SOX5: variants seen among roughly 807,000 people sequenced by gnomAD.
SOX5 encodes the protein SRY-box transcription factor 5.
In SOX5, 9 loss-of-function variants were observed where a neutral mutation model predicts 92.0. That is an observed-to-expected ratio of 0.10 (90% CI 0.06 to 0.17). The LOEUF is 0.17. Ranked by LOEUF, SOX5 falls within the 10% of genes least tolerant of loss-of-function variation. SOX5 has a pLI of 1.00. For missense variants in SOX5, 642 were observed against 944.5 expected, an observed-to-expected ratio of 0.68 and a Z score of 4.20; for synonymous variants, 344 against 336.3, an observed-to-expected ratio of 1.02 and a Z score of -0.25.
Position 24,218,895 on chromosome 12 carries a change from C to T in SOX5, c.-76-5478G>A, listed in dbSNP as rs147460740. ...TAGTCTTCAGAGATTAGTCTTTCAA[C>T]AGTACTCAAGTATTGTAATACAATC... On this transcript the variant is annotated intron_variant, in intron 3 of 4. Coordinates refer to the SOX5 transcript ENST00000446891. 6.4e-3 allele frequency among the ~76,000 whole-genome samples: 980 copies of T among 152,164 alleles called. 11 individuals are homozygous for T. The highest frequency in any genetic ancestry group is 0.022 in the African/African-American group (922 of 41,536).
intron 1 of SOX5, among the ~76,000 whole-genome samples, chr12:24,435,214 C>G (rs1939173545): frequency 6.6e-6 from 1 of 152,198 alleles, no homozygotes; most frequent in Non-Finnish European, 1.5e-5. Context: ...CCTAGAATGG[C>G]TTCCACAGGA....
chr12:23,876,111 A>G (rs1348496809), intron 2 of SOX5, among the ~76,000 whole-genome samples: 1 of 152,170 alleles, frequency 6.6e-6, no homozygotes, highest in African/African-American at 2.4e-5. Flanking sequence ...GGCATTCCCT[A>G]AACTAACTCT....
chr12:24,266,040 G>A (rs1239369721), intron 3 of SOX5, among the ~76,000 whole-genome samples: 2 of 36,792 alleles, frequency 5.4e-5, no homozygotes, highest in African/African-American at 1.4e-4. Context: ...GCTAATGTGT[G>A]TGTGTGTGTG....
chr12:23,812,157 A>C (rs760318088), intron 3 of SOX5, among the ~76,000 whole-genome samples: 35 of 152,258 alleles, frequency 2.3e-4, no homozygotes, highest in Admixed American at 1.3e-3. Flanking sequence ...AAAGCCAATA[A>C]ATTAATCACT....
At chr12:23,541,993 C>T (rs918370101) in intron 13 of SOX5, among the ~76,000 whole-genome samples, 3 of 152,096 alleles carry the variant, frequency 2.0e-5, no homozygotes, top group East Asian at 1.9e-4. Flanking sequence ...GCCTGTCATC[C>T]GAGCTACTCA....
intron 3 of SOX5, among the ~76,000 whole-genome samples, chr12:24,270,969 G>A (rs751663227): frequency 2.0e-5 from 3 of 152,172 alleles, no homozygotes; most frequent in Non-Finnish European, 4.4e-5. Context: ...TATTTCTCAT[G>A]TAAACCATCT....
At chr12:24,396,434 T>C (rs1007480951) in intron 1 of SOX5, among the ~76,000 whole-genome samples, 2 of 152,242 alleles carry the variant, frequency 1.3e-5, no homozygotes, top group Non-Finnish European at 2.9e-5. Context: ...AAGGAGGCAA[T>C]TGGAGCAGGC....
At chr12:24,301,444 CAT>C (rs1332072361) in intron 2 of SOX5, among the ~76,000 whole-genome samples, 2 of 152,096 alleles carry the variant, frequency 1.3e-5, no homozygotes, top group African/African-American at 2.4e-5. Context: ...GAATGTATCT[CAT>C]AATATCTTAT....
At chr12:24,492,269 T>C (rs528419453) in intron 1 of SOX5, among the ~76,000 whole-genome samples, 18 of 152,234 alleles carry the variant, frequency 1.2e-4, no homozygotes, top group Admixed American at 7.2e-4. Context: ...TAACTAAAAG[T>C]CAGGGAATAA....
intron 9 of SOX5, among the ~76,000 whole-genome samples, chr12:23,577,183 A>ATG (rs1341203732): frequency 5.0e-5 from 4 of 79,718 alleles, no homozygotes; most frequent in Non-Finnish European, 1.1e-4. Context: ...ACACATATAT[A>ATG]TATATATATT....
intron 4 of SOX5, among the ~76,000 whole-genome samples, chr12:24,147,629 C>T (rs781076116): frequency 6.6e-6 from 1 of 152,146 alleles, no homozygotes; most frequent in Non-Finnish European, 1.5e-5. Flanking sequence ...GTAAAACTGT[C>T]TTTGGTCACA....
At chr12:23,663,959 G>A (rs868682644) in intron 7 of SOX5, among the ~76,000 whole-genome samples, 1 of 152,016 alleles carries the variant, frequency 6.6e-6, no homozygotes, top group African/African-American at 2.4e-5. Flanking sequence ...CATTTAAAAC[G>A]CAGGACACCA....
chr12:24,353,163 G>A (rs778339152), intron 2 of SOX5, among the ~76,000 whole-genome samples: 25 of 152,064 alleles, frequency 1.6e-4, no homozygotes, highest in Non-Finnish European at 8.8e-5. Flanking sequence ...AATCTTACCC[G>A]GCTCTATAAG....
chr12:24,096,751 T>C (rs540134330), intron 4 of SOX5, among the ~76,000 whole-genome samples: 2 of 152,310 alleles, frequency 1.3e-5, no homozygotes, highest in South Asian at 2.1e-4. Context: ...TTGGTTATTA[T>C]TAGTGCTATT....
intron 2 of SOX5, among the ~76,000 whole-genome samples, chr12:24,355,382 A>G (rs1021423173): frequency 7.5e-6 from 1 of 132,922 alleles, no homozygotes; most frequent in Admixed American, 9.3e-5. Context: ...ATTTCGGCTC[A>G]CTGTAAGCTC....
At chr12:24,380,483 A>G (rs1957716906) in intron 1 of SOX5, among the ~76,000 whole-genome samples, 1 of 152,248 alleles carries the variant, frequency 6.6e-6, no homozygotes, top group Non-Finnish European at 1.5e-5. Context: ...CTGTCAAAAC[A>G]TGGTACTCAA....
intron 2 of SOX5, among the ~76,000 whole-genome samples, chr12:23,857,349 G>A (rs2096704530): frequency 6.6e-6 from 1 of 152,038 alleles, no homozygotes; most frequent in Non-Finnish European, 1.5e-5. Flanking sequence ...GGGTAGAGGA[G>A]AAAGTAAAGA....
intron 3 of SOX5, among the ~76,000 whole-genome samples, chr12:23,828,787 A>G (rs1173964195): frequency 6.6e-6 from 1 of 152,224 alleles, no homozygotes; most frequent in Non-Finnish European, 1.5e-5. Context: ...CTTAATTTCA[A>G]ACAAGTTCTT....
intron 2 of SOX5, among the ~76,000 whole-genome samples, chr12:23,870,504 T>C (rs114059181): frequency 0.011 from 1,655 of 152,264 alleles, 27 homozygotes; most frequent in African/African-American, 0.037. Flanking sequence ...TCTATTCTTT[T>C]TTCTACACAA....
Sources: allele counts gnomAD v4.1 joint callset (sites outside exome capture counted in the v4.1 genomes callset), GRCh38; gene constraint gnomAD v4.1.1; transcripts MANE v1.5; gene names NCBI Gene and HGNC (gene_info 2026-07-23, HGNC 2026-07-21).